HYDIN: variants seen among roughly 807,000 people sequenced by gnomAD.
The protein encoded by HYDIN is axonemal central pair apparatus protein HYDIN.
Under a neutral mutation model 403.9 loss-of-function variants are expected in HYDIN, and 132 were observed. That is an observed-to-expected ratio of 0.33 (90% CI 0.28 to 0.38). The LOEUF (loss-of-function observed/expected upper bound fraction) is 0.38. Among genes scored for constraint, HYDIN ranks in the 10% least tolerant of loss-of-function variants. The pLI is 1.00. For synonymous variants in HYDIN, 1,202 were observed against 1,891.7 expected (o/e 0.64, Z 9.46); for missense variants, 2,827 against 5,009.5 (o/e 0.56, Z 13.15).
chr16:71,008,551 T>C (rs1388630580), intron 23 of HYDIN, among the ~76,000 whole-genome samples: 6 of 152,148 alleles, frequency 3.9e-5, no homozygotes, highest in South Asian at 2.1e-4. Flanking sequence ...ACAGGAAATA[T>C]TTCCTACTTG....
chr16:71,015,913 C>A (rs2144112565), intron 23 of HYDIN, among the ~76,000 whole-genome samples: 1 of 151,520 alleles, frequency 6.6e-6, no homozygotes, highest in South Asian at 2.1e-4. Context: ...GAAGAAAATG[C>A]AGCAATCGCT....
chr16:71,016,081 T>C (rs6499387), intron 23 of HYDIN, among the ~76,000 whole-genome samples: 96,051 of 148,344 alleles, frequency 0.65, 33,717 homozygotes, highest in African/African-American at 0.91. Flanking sequence ...GTTTGAAATG[T>C]TTTTCAAGAA....
intron 85 of HYDIN, 64 bp downstream of exon 85, chr16:70,809,719 T>C: frequency 7.9e-7 from 1 of 1,269,032 alleles, no homozygotes; most frequent in Non-Finnish European, 1.2e-6. Flanking sequence ...GTGTCTCCTC[T>C]CATTGTTTTT....
intron 18 of HYDIN, among the ~76,000 whole-genome samples, chr16:71,046,322 A>G (rs9931060): frequency 0.029 from 4,415 of 151,826 alleles, 191 homozygotes; most frequent in African/African-American, 0.1. Context: ...CAACATCCTC[A>G]CTTTTGATGG....
Position 70,868,654 on chromosome 16 carries a change from G to A in HYDIN, c.11226C>T (p.Val3742=). The A allele has an allele frequency of 6.2e-7, 1 of 1,614,158 alleles. No individual in the cohort carries two copies. Among genetic ancestry groups the A allele is most frequent in the East Asian group, 2.2e-5 (1 of 44,872 alleles). The change falls in exon 66 of 86, where the codon GTC becomes GTT. Residue 3742 remains valine, a synonymous_variant. Transcript: ENST00000393567. ...TGTGCATGCGGTCATCCCAGTCGGGGACCTGGTCTGCAGGGAGCTGAAACA... is the reference window on the plus strand; with the variant it reads ...TGTGCATGCGGTCATCCCAGTCGGGAACCTGGTCTGCAGGGAGCTGAAACA... ...RIMFQLPADQ[V]PDWDDRMHTV...
intron 5 of HYDIN, among the ~76,000 whole-genome samples, chr16:71,167,733 A>T (rs996631941): frequency 9.9e-5 from 15 of 151,232 alleles, no homozygotes; most frequent in African/African-American, 3.1e-4. Flanking sequence ...GAAGTTATGC[A>T]CTTAATATGA....
At chr16:70,957,480 C>A (rs1395866119) in intron 39 of HYDIN, among the ~76,000 whole-genome samples, 1 of 152,084 alleles carries the variant, frequency 6.6e-6, no homozygotes. Flanking sequence ...GCGCCTGCTA[C>A]CACGCCCGGC....
At chr16:70,898,617 A>G (rs2076274888) in intron 53 of HYDIN, among the ~76,000 whole-genome samples, 1 of 152,002 alleles carries the variant, frequency 6.6e-6, no homozygotes, top group Non-Finnish European at 1.5e-5. Flanking sequence ...GCTCAACCCA[A>G]AGAAGAATTG....
At chr16:70,980,628 A>G (rs984799359) in intron 29 of HYDIN, among the ~76,000 whole-genome samples, 1 of 151,620 alleles carries the variant, frequency 6.6e-6, no homozygotes, top group Admixed American at 6.6e-5. Context: ...CAGGAGAGTT[A>G]GTAACTTCAG....
chr16:70,957,350 G>T, intron 39 of HYDIN, among the ~76,000 whole-genome samples: 1 of 137,876 alleles, frequency 7.3e-6, no homozygotes, highest in African/African-American at 2.8e-5. Flanking sequence ...TTTTTGAGAT[G>T]GAGTCTCGCC....
At chr16:71,168,311 C>A (rs1461761843) in intron 5 of HYDIN, among the ~76,000 whole-genome samples, 2 of 136,864 alleles carry the variant, frequency 1.5e-5, no homozygotes, top group Admixed American at 7.7e-5. Context: ...AAGAGCAAAA[C>A]CCTGCTTCAA....
chr16:71,197,621 G>A (rs886109521), intron 1 of HYDIN, among the ~76,000 whole-genome samples: 7 of 152,092 alleles, frequency 4.6e-5, no homozygotes, highest in African/African-American at 1.2e-4. Flanking sequence ...AATAATCACC[G>A]AGGTTAAGAA....
At chr16:71,187,001 T>G (rs1003162535) in intron 1 of HYDIN, 83 bp from the exon 2 acceptor site, 124 of 855,864 alleles carry the variant, frequency 1.4e-4, no homozygotes, top group Middle Eastern at 2.3e-4. Context: ...CTTTTTCAAA[T>G]ACAGGAAGGT....
Position 70,807,120 on chromosome 16 carries a change from C to A in HYDIN, c.*460G>T, listed in dbSNP as rs1323486012. ...CATCCCTCTGAAAATATTTATTTGG[C>A]TTTTATGTGAAAGCAGAATAAAATG... On this transcript the variant is annotated 3_prime_UTR_variant, in exon 86 of 86. Transcript: ENST00000393567. Among the ~76,000 whole-genome samples the A allele has an allele frequency of 6.6e-6, 1 of 152,172 alleles. No individual in the cohort carries two copies. Among genetic ancestry groups the A allele is most frequent in the East Asian group, 1.9e-4 (1 of 5,194 alleles).
chr16:71,223,465 A>G (rs1003549933), intron 1 of HYDIN, among the ~76,000 whole-genome samples: 1 of 152,186 alleles, frequency 6.6e-6, no homozygotes, highest in Non-Finnish European at 1.5e-5. Context: ...AAAAACAAAA[A>G]CAAATAAATG....
intron 1 of HYDIN, among the ~76,000 whole-genome samples, chr16:71,193,007 G>A (rs1251777291): frequency 1.3e-5 from 2 of 152,158 alleles, no homozygotes; most frequent in African/African-American, 4.8e-5. Context: ...TCAAGAATCT[G>A]CAGAAGGAAG....
intron 27 of HYDIN, among the ~76,000 whole-genome samples, 197 bp from the exon 28 acceptor site, chr16:70,985,519 C>T (rs1052180444): frequency 6.6e-6 from 1 of 152,104 alleles, no homozygotes; most frequent in Admixed American, 6.5e-5. Flanking sequence ...TTCTAAGAAC[C>T]GATTCAGTTT....
intron 84 of HYDIN, among the ~76,000 whole-genome samples, chr16:70,810,209 T>C (rs964201496): frequency 6.6e-6 from 1 of 152,172 alleles, no homozygotes; most frequent in African/African-American, 2.4e-5. Context: ...TTCAGGTGAT[T>C]CTATATCTGG....
chr16:71,211,241 C>T (rs927020718), intron 1 of HYDIN, among the ~76,000 whole-genome samples: 1 of 152,164 alleles, frequency 6.6e-6, no homozygotes, highest in Non-Finnish European at 1.5e-5. Context: ...CTCAAATTTG[C>T]AGCCCAGGTC....
Sources: gnomAD v4.1 joint callset for allele counts (sites outside exome capture counted in the v4.1 genomes callset) on GRCh38, gnomAD v4.1.1 for gene constraint, MANE v1.5 for transcripts, NCBI Gene and HGNC (gene_info 2026-07-23, HGNC 2026-07-21) for gene names.